Variants in LMF1 observed in about 807,000 individuals in gnomAD.
The protein encoded by LMF1 is lipase maturation factor 1, also known as transmembrane protein 112.
A neutral mutation model predicts 60.6 loss-of-function variants in LMF1; 68 were observed. The observed-to-expected ratio is 1.12, with a 90% confidence interval of 0.92 to 1.37. The LOEUF (loss-of-function observed/expected upper bound fraction) is 1.37. LMF1 is among the 40% of genes most tolerant of loss of function. LMF1 has a pLI of 0.00. For missense variants in LMF1, 948 were observed against 767.2 expected (o/e 1.24, Z -2.78); for synonymous variants, 418 against 324.7 (o/e 1.29, Z -3.09).
intron 4 of LMF1, among the ~76,000 whole-genome samples, chr16:904,363 C>T (rs1450452196): frequency 7.2e-4 from 79 of 109,648 alleles, no homozygotes; most frequent in African/African-American, 2.5e-3. Context: ...CCACAGGACG[C>T]CTGTCTCTGC....
chr16:897,513 A>G lies in LMF1; in HGVS notation c.664-4441T>C, dbSNP rs1308638930. On this transcript the variant is annotated intron_variant, in intron 4 of 10. Transcript: ENST00000262301. The surrounding 1 kb of genome is among the most constrained non-coding windows in gnomAD (Gnocchi z 4.3). ...TCCTCCCCACCTGTAAACACAGGGA[A>G]TTACTCGCGACAGGTCCTGCCTCCG... Among the ~76,000 whole-genome samples, 1 of 152,160 alleles carries G rather than the reference A, an allele frequency of 6.6e-6. No individual in the cohort carries two copies. The highest frequency in any genetic ancestry group is 1.5e-5 in the Non-Finnish European group (1 of 68,028).
chr16:889,258 G>A (rs911647123), intron 5 of LMF1, among the ~76,000 whole-genome samples: 8 of 152,322 alleles, frequency 5.3e-5, no homozygotes, highest in South Asian at 2.1e-4. Flanking sequence ...ACTTGGGGAT[G>A]CCTTCCCTGC....
In LMF1 at chr16:925,022, G is replaced by C. The variant is rs574954383; in HGVS notation, c.514+9222C>G. Among the ~76,000 whole-genome samples, 18 of 152,346 alleles carry C rather than the reference G, an allele frequency of 1.2e-4. No homozygotes were observed. The South Asian group carries it at 1.2e-3, about 11-fold the overall frequency. ...TGGAGGGGAGGAGCGGGTGCAGTCA[G>C]ACCCCCGTCCGCAGAGTGCTGGGTG... is the stretch of plus-strand genomic sequence containing the variant. On this transcript the variant is annotated intron_variant, in intron 3 of 10. Transcript: ENST00000262301.
intron 1 of LMF1, among the ~76,000 whole-genome samples, chr16:957,306 G>A (rs920136128): frequency 6.6e-6 from 1 of 152,224 alleles, no homozygotes; most frequent in African/African-American, 2.4e-5. Flanking sequence ...AACTGTGCAT[G>A]CTGGTTTGGA....
intron 4 of LMF1, among the ~76,000 whole-genome samples, chr16:902,892 G>C (rs530712569): frequency 1.4e-5 from 1 of 72,696 alleles, no homozygotes; most frequent in African/African-American, 7.7e-5. Context: ...TCTCTGCTGC[G>C]TGGTGGTGAC....
In LMF1 at chr16:871,173, C is replaced by T. The variant is rs199615983; in HGVS notation, c.1066G>A (p.Glu356Lys). 2.2e-4 allele frequency: 356 copies of T among 1,594,406 alleles called. No individual in the cohort carries two copies. The highest frequency in any genetic ancestry group is 1.4e-3 in the Admixed American group (82 of 58,064). ...CTGAGCCACCTACCGAATCTGGGCT[C>T]GGGCCGGGCCCCTCGGATGTCCCTC... The part of the protein sequence containing the change: ...MQRDIRGARP[E>K]PRFGSVVRRA... Residue 356 changes from glutamate (E) to lysine (K), a missense_variant, in exon 7 of 11, where the codon GAG becomes AAG. Physicochemically the swap from Glu to Lys is moderately conservative, Grantham distance 56. Transcript: ENST00000262301.
chr16:970,420 G>A (rs2073017286), intron 1 of LMF1, among the ~76,000 whole-genome samples: 1 of 152,096 alleles, frequency 6.6e-6, no homozygotes, highest in African/African-American at 2.4e-5. Context: ...GCGCACGGAC[G>A]GGTGACCCTC....
rs74188339 is a variant in LMF1, at chr16:949,872, C to T, written c.503+4485G>A. Among the ~76,000 whole-genome samples, 3 of 57,944 alleles carry T rather than the reference C, an allele frequency of 5.2e-5. No individual in the cohort carries two copies. The South Asian group carries it at 2.5e-3, about 48-fold the overall frequency. The allele number at this position is 57,944 out of a possible 152,430, so 38.0% of individuals were successfully genotyped here. ...CAACGACAGAGTCAGCCAAGGACAG[C>T]GTCAGCCAACGACAGAATCAGAGAC... is the stretch of plus-strand genomic sequence containing the variant. On this transcript the variant is annotated intron_variant, in intron 2 of 10. Coordinates refer to ENST00000262301, the MANE Select transcript of LMF1 (RefSeq NM_022773.4).
rs1567124866 is a variant in LMF1 at position 853,914 on chromosome 16, AC to A, written c.*617del. The A allele has an allele frequency of 4.4e-6, 2 of 453,972 alleles. No individual in the cohort carries two copies. The highest frequency in any genetic ancestry group is 8.8e-6 in the Non-Finnish European group (2 of 226,812). 28.1% of individuals were successfully genotyped at this position (453,972 alleles called of 1,614,324 possible). A position where few individuals can be genotyped will look rare whatever the true frequency, so the allele number is the denominator to read the frequency against. On this transcript the variant is annotated 3_prime_UTR_variant, in exon 11 of 11. Coordinates refer to ENST00000262301, the MANE Select transcript of LMF1 (RefSeq NM_022773.4). ...AACCGGGCCAAGAACACATGTGTGC[AC>A]AGGCTGTGTGTGCCTGCATGTGTGG...
At chr16:875,904 G>A (rs1258457583) in intron 6 of LMF1, among the ~76,000 whole-genome samples, 2 of 152,304 alleles carry the variant, frequency 1.3e-5, no homozygotes, top group South Asian at 2.1e-4. Context: ...GGGACCCCAG[G>A]ACCGCATGGC....
chr16:915,549 T>G (rs2071255930), intron 3 of LMF1, among the ~76,000 whole-genome samples: 2 of 149,664 alleles, frequency 1.3e-5, no homozygotes, highest in South Asian at 4.3e-4. Flanking sequence ...TGTGGGAACA[T>G]GTGGAGGGGC....
chr16:931,901 C>T (rs1282600810), intron 3 of LMF1: 2 of 905,454 alleles, frequency 2.2e-6, no homozygotes, highest in Non-Finnish European at 1.5e-6. Flanking sequence ...CAATTACCAC[C>T]TGCTACCGAA....
chr16:954,970 A>G lies in LMF1; in HGVS notation c.194-304T>C, dbSNP rs567691481. On this transcript the variant is annotated intron_variant, in intron 1 of 10. Transcript: ENST00000262301. ...GCGGTGTGTGCATCCACACACACAC[A>G]TATCTAAGTGAACCAGACACGTTAC... 1.5e-3 allele frequency among the ~76,000 whole-genome samples: 182 copies of G among 124,822 alleles called. 17 individuals are homozygous for G. The highest frequency in any genetic ancestry group is 5.6e-3 in the African/African-American group (177 of 31,654). The allele number at this position is 124,822 out of a possible 152,430, so 81.9% of individuals were successfully genotyped here. A position where few individuals can be genotyped will look rare whatever the true frequency, so the allele number is the denominator to read the frequency against.
At chr16:949,680 T>C (rs1355548201) in intron 2 of LMF1, among the ~76,000 whole-genome samples, 55 of 68,084 alleles carry the variant, frequency 8.1e-4, no homozygotes, top group African/African-American at 1.7e-3. Context: ...AGTCAGCCAA[T>C]GACAGAGTCA....
chr16:929,112 C>T (rs1445087490), intron 3 of LMF1, among the ~76,000 whole-genome samples: 1 of 152,170 alleles, frequency 6.6e-6, no homozygotes, highest in Non-Finnish European at 1.5e-5. Flanking sequence ...AGTGGGGTCA[C>T]AATGCTGTCC....
chr16:859,558 A>G (rs74468285), intron 10 of LMF1, among the ~76,000 whole-genome samples: 550 of 1,188 alleles, frequency 0.46, 204 homozygotes, highest in Admixed American at 0.53. Flanking sequence ...GTGTGCAGTG[A>G]TGTCACGGGA....
intron 1 of LMF1, chr16:980,246 T>C (rs1355010686): frequency 6.0e-6 from 1 of 165,922 alleles, no homozygotes; most frequent in African/African-American, 2.4e-5. Context: ...GCTCCGGTTG[T>C]TCCCAATGCA....
chr16:952,163 G>A (rs1247646134), intron 2 of LMF1, among the ~76,000 whole-genome samples: 2 of 152,158 alleles, frequency 1.3e-5, no homozygotes, highest in African/African-American at 2.4e-5. Flanking sequence ...TGGCCTGCTT[G>A]TTGAATGAGG....
intron 2 of LMF1, among the ~76,000 whole-genome samples, chr16:949,851 G>A (rs1376060017): frequency 9.4e-6 from 1 of 106,016 alleles, no homozygotes; most frequent in African/African-American, 5.3e-5. Context: ...TAGAGACAAC[G>A]ACAGAGTCAG....
Sources: gnomAD v4.1 joint callset for allele counts (sites outside exome capture counted in the v4.1 genomes callset) on GRCh38, gnomAD v4.1.1 for gene constraint, Gnocchi (gnomAD v3.1) non-coding constraint, MANE v1.5 for transcripts, NCBI Gene and HGNC (gene_info 2026-07-23, HGNC 2026-07-21) for gene names.